The following ATP9A variants were observed in gnomAD, a reference collection of about 807,000 sequenced individuals.
The protein encoded by ATP9A is ATPase phospholipid transporting 9A, also known as probable phospholipid-transporting ATPase IIA.
ATP9A carries 52 observed loss-of-function variants against 144.1 expected under a neutral mutation model. That is an observed-to-expected ratio of 0.36 (90% CI 0.29 to 0.45). The LOEUF (loss-of-function observed/expected upper bound fraction) is 0.45, where lower values mean the gene tolerates loss of function less well. Ranked by LOEUF, ATP9A falls within the 20% of genes least tolerant of loss-of-function variation. The pLI, the probability that ATP9A is intolerant of heterozygous loss-of-function variation, is 1.00. For missense variants in ATP9A, 947 were observed against 1,392.7 expected (o/e 0.68, Z 5.09); for synonymous variants, 582 against 557.4 (o/e 1.04, Z -0.62).
chr20:51,669,772 G>A (rs549920339), intron 13 of ATP9A, among the ~76,000 whole-genome samples: 1 of 152,094 alleles, frequency 6.6e-6, no homozygotes, highest in Non-Finnish European at 1.5e-5. Flanking sequence ...GGTATAGAAG[G>A]GAGGTATTGG....
intron 12 of ATP9A, 92 bp downstream of exon 12, chr20:51,671,023 A>C: frequency 7.1e-7 from 1 of 1,412,130 alleles, no homozygotes; most frequent in Non-Finnish European, 9.9e-7. Context: ...CGCATCTCTC[A>C]TATGTCCAGA....
At chr20:51,605,211 G>C (rs1226303681) in intron 26 of ATP9A, among the ~76,000 whole-genome samples, 191 bp from the exon 27 acceptor site, 1 of 152,196 alleles carries the variant, frequency 6.6e-6, no homozygotes, top group Non-Finnish European at 1.5e-5. Context: ...GACCTTGTAG[G>C]ATAAATAATC....
intron 5 of ATP9A, 151 bp from the exon 6 acceptor site, chr20:51,696,295 C>A: frequency 1.7e-6 from 1 of 585,066 alleles, no homozygotes. Flanking sequence ...CTGCCTTTGT[C>A]AAAGACAGAT....
Position 51,665,790 on chromosome 20 carries a change from C to A in ATP9A, c.1293+4207G>T, listed in dbSNP as rs543456017. Among the ~76,000 whole-genome samples, 10 of 151,850 alleles carry A rather than the reference C, an allele frequency of 6.6e-5. No homozygotes were observed. The South Asian group carries it at 1.7e-3, about 25-fold the overall frequency. ...GGGAAAAACCATCACAAGTCCTTAGCTGGTTATAGTTTTCTCTCCTAATGT... is the reference window on the plus strand; with the variant it reads ...GGGAAAAACCATCACAAGTCCTTAGATGGTTATAGTTTTCTCTCCTAATGT... On this transcript the variant is annotated intron_variant, in intron 13 of 27. Transcript: ENST00000338821.
chr20:51,661,367 CTTTT>C (rs35618042), intron 13 of ATP9A, among the ~76,000 whole-genome samples: 1 of 145,934 alleles, frequency 6.9e-6, no homozygotes, highest in Non-Finnish European at 1.5e-5. Context: ...CTGAAATACA[CTTTT>C]TTTTTTTTTT....
chr20:51,665,164 A>G (rs1371455444), intron 13 of ATP9A, among the ~76,000 whole-genome samples: 1 of 150,748 alleles, frequency 6.6e-6, no homozygotes, highest in East Asian at 2.0e-4. Flanking sequence ...AAGGTCACAT[A>G]TTGTTTGATT....
At chr20:51,689,801 T>C (rs975220228) in intron 8 of ATP9A, among the ~76,000 whole-genome samples, 1 of 151,696 alleles carries the variant, frequency 6.6e-6, no homozygotes, top group African/African-American at 2.4e-5. Context: ...AAATGGCAGA[T>C]AGGATTTGTA....
At chr20:51,737,533 C>A (rs1379418329) in intron 1 of ATP9A, among the ~76,000 whole-genome samples, 1 of 152,112 alleles carries the variant, frequency 6.6e-6, no homozygotes. Flanking sequence ...AAGTACGTAA[C>A]CCCAGTTGGA....
chr20:51,719,339 A>C (rs2077677986), intron 3 of ATP9A, among the ~76,000 whole-genome samples: 1 of 152,202 alleles, frequency 6.6e-6, no homozygotes, highest in South Asian at 2.1e-4. Context: ...ACTGCTTTAA[A>C]TTGTTATTAA....
chr20:51,638,105 A>T (rs1473547576), intron 15 of ATP9A, among the ~76,000 whole-genome samples: 1 of 76,794 alleles, frequency 1.3e-5, no homozygotes, highest in Non-Finnish European at 2.5e-5. Context: ...ATATATATAT[A>T]TATATATATA....
At chr20:51,758,742 T>C (rs896496587) in intron 1 of ATP9A, among the ~76,000 whole-genome samples, 2 of 152,004 alleles carry the variant, frequency 1.3e-5, no homozygotes, top group South Asian at 2.1e-4. Flanking sequence ...CTGCAGAACA[T>C]GGTGAAACCC....
At chr20:51,633,240 C>A (rs1266257306) in intron 15 of ATP9A, among the ~76,000 whole-genome samples, 1 of 151,832 alleles carries the variant, frequency 6.6e-6, no homozygotes, top group East Asian at 1.9e-4. Context: ...GCTGCACATG[C>A]GTTAAAAATC....
intron 15 of ATP9A, among the ~76,000 whole-genome samples, chr20:51,638,489 A>C (rs1234876106): frequency 6.6e-6 from 1 of 152,192 alleles, no homozygotes; most frequent in South Asian, 2.1e-4. Context: ...CAGACTGCAG[A>C]ACAACCAGAC....
At chr20:51,700,475 T>C (rs1165086793) in intron 4 of ATP9A, among the ~76,000 whole-genome samples, 3 of 152,212 alleles carry the variant, frequency 2.0e-5, no homozygotes, top group African/African-American at 4.8e-5. Context: ...TGAGCTGAGA[T>C]TGTGCCACTG....
intron 27 of ATP9A, among the ~76,000 whole-genome samples, chr20:51,604,087 AT>A (rs1443106909): frequency 6.6e-6 from 1 of 151,950 alleles, no homozygotes; most frequent in Non-Finnish European, 1.5e-5. Flanking sequence ...CCTCCATAAC[AT>A]TTTTTATTTG....
At chr20:51,695,537 C>T (rs941925626) in intron 6 of ATP9A, among the ~76,000 whole-genome samples, 1 of 151,796 alleles carries the variant, frequency 6.6e-6, no homozygotes, top group African/African-American at 2.4e-5. Context: ...CAGCTGCCAC[C>T]CTAGGGAACA....
chr20:51,633,868 GAGAA>G (rs2077279887), intron 15 of ATP9A, among the ~76,000 whole-genome samples: 1 of 143,892 alleles, frequency 6.9e-6, no homozygotes, highest in South Asian at 2.4e-4. Context: ...GGAAGGGAGG[GAGAA>G]AGGAAGGAAG....
At chr20:51,765,559 G>C (rs1435072905) in intron 1 of ATP9A, among the ~76,000 whole-genome samples, 1 of 149,070 alleles carries the variant, frequency 6.7e-6, no homozygotes, top group African/African-American at 2.5e-5. Context: ...GCTGATTCAA[G>C]GAGAATCGCT....
chr20:51,609,792 C>A (rs1410032023), intron 24 of ATP9A, among the ~76,000 whole-genome samples: 1 of 152,242 alleles, frequency 6.6e-6, no homozygotes, highest in Non-Finnish European at 1.5e-5. Flanking sequence ...GTCTGCAAAC[C>A]TTCCACCTTG....
Sources: gnomAD v4.1 joint callset for allele counts (sites outside exome capture counted in the v4.1 genomes callset) on GRCh38, gnomAD v4.1.1 for gene constraint, MANE v1.5 for transcripts, NCBI Gene and HGNC (gene_info 2026-07-23, HGNC 2026-07-21) for gene names.